Variants in MOB3B observed in about 807,000 individuals in gnomAD.
MOB3B encodes MOB kinase activator 3B.
Under a neutral mutation model 18.7 loss-of-function variants are expected in MOB3B, and 7 were observed. The observed-to-expected ratio is 0.37, with a 90% CI of 0.21 to 0.70. MOB3B has a LOEUF of 0.70. Among genes scored for constraint, MOB3B ranks in the 30% least tolerant of loss-of-function variants. The pLI is 0.52. For missense variants in MOB3B, 253 were observed against 281.3 expected (o/e 0.90, Z 0.72); for synonymous variants, 111 against 99.9 (o/e 1.11, Z -0.66).
intron 2 of MOB3B, among the ~76,000 whole-genome samples, chr9:27,416,544 A>AT (rs559806304): frequency 0.013 from 1,627 of 121,204 alleles, 77 homozygotes; most frequent in African/African-American, 0.038. Context: ...TTTCTTTTTA[A>AT]TTTTTTTTTT....
intron 2 of MOB3B, among the ~76,000 whole-genome samples, chr9:27,382,748 G>A (rs1821596998): frequency 6.7e-6 from 1 of 150,138 alleles, no homozygotes; most frequent in Non-Finnish European, 1.5e-5. Context: ...CCATCCAGGG[G>A]CCACTTGCTA....
At chr9:27,396,740 A>G (rs955206621) in intron 2 of MOB3B, among the ~76,000 whole-genome samples, 3 of 152,128 alleles carry the variant, frequency 2.0e-5, no homozygotes, top group Non-Finnish European at 4.4e-5. Context: ...TAACTATCAC[A>G]GTGTCTCCAT....
rs1418927834 is a variant in MOB3B at position 27,327,637 on chromosome 9, T to A, written c.*2950A>T. The A allele has an allele frequency of 6.6e-6, 1 of 151,858 alleles. No homozygotes were observed. The highest frequency in any genetic ancestry group is 1.5e-5 in the Non-Finnish European group (1 of 67,984). 9.4% of individuals were successfully genotyped at this position (151,858 alleles called of 1,614,324 possible). A position where few individuals can be genotyped will look rare whatever the true frequency, so the allele number is the denominator to read the frequency against. On this transcript the variant is annotated 3_prime_UTR_variant, in exon 4 of 4. Coordinates refer to ENST00000262244, the MANE Select transcript of MOB3B (RefSeq NM_024761.5). ...ACACAAAAGGGCAACTCTAATCAAT[T>A]AAAGGAAACAAAAGAGAATGACAAC...
chr9:27,330,553 A>G lies in MOB3B; in HGVS notation c.*34T>C. 1 of 1,613,638 alleles carries G rather than the reference A, an allele frequency of 6.2e-7. No homozygotes were observed. Among genetic ancestry groups the G allele is most frequent in the African/African-American group, 1.3e-5 (1 of 75,038 alleles). ...CCCGCTCAGGGCACCAGGAGGAAAC[A>G]GCTTTCCTTTCTTCCAAAGGGTGAG... On this transcript the variant is annotated 3_prime_UTR_variant, in exon 4 of 4. Coordinates refer to ENST00000262244, the MANE Select transcript of MOB3B (RefSeq NM_024761.5).
intron 3 of MOB3B, among the ~76,000 whole-genome samples, chr9:27,342,189 G>C (rs191451617): frequency 6.6e-6 from 1 of 152,064 alleles, no homozygotes; most frequent in Non-Finnish European, 1.5e-5. Flanking sequence ...ACCTCGCGTC[G>C]CACCATGCCA....
At chr9:27,484,003 C>T (rs931694186) in intron 1 of MOB3B, among the ~76,000 whole-genome samples, 6 of 152,168 alleles carry the variant, frequency 3.9e-5, no homozygotes, top group African/African-American at 1.4e-4. Flanking sequence ...TAAGGAGTGC[C>T]AGGGCAGGGT....
chr9:27,462,916 T>C (rs1183844537), intron 1 of MOB3B, among the ~76,000 whole-genome samples: 2 of 152,130 alleles, frequency 1.3e-5, no homozygotes, highest in Non-Finnish European at 2.9e-5. Flanking sequence ...TTTCAAAAGA[T>C]CATAAGTTTA....
intron 1 of MOB3B, among the ~76,000 whole-genome samples, chr9:27,470,669 T>C (rs1819457336): frequency 6.6e-6 from 1 of 152,158 alleles, no homozygotes; most frequent in South Asian, 2.1e-4. Context: ...ACCCATCTGT[T>C]AGCCCTGTGG....
chr9:27,432,702 A>G (rs946385658), intron 2 of MOB3B, among the ~76,000 whole-genome samples: 6 of 152,170 alleles, frequency 3.9e-5, no homozygotes, highest in African/African-American at 1.4e-4. Flanking sequence ...AGTACTGGAA[A>G]AATGCAGAGA....
intron 2 of MOB3B, among the ~76,000 whole-genome samples, chr9:27,374,591 A>G (rs1402000969): frequency 1.3e-5 from 2 of 152,118 alleles, no homozygotes; most frequent in African/African-American, 2.4e-5. Context: ...GACTAAAGCA[A>G]TGGTCTCTCT....
intron 2 of MOB3B, among the ~76,000 whole-genome samples, chr9:27,442,649 G>C (rs770471919): frequency 5.9e-5 from 9 of 152,172 alleles, no homozygotes; most frequent in Non-Finnish European, 1.3e-4. Flanking sequence ...CCTGGCTCCT[G>C]AGCCCTGGTA....
At chr9:27,367,173 C>G (rs2131363392) in intron 2 of MOB3B, among the ~76,000 whole-genome samples, 1 of 152,302 alleles carries the variant, frequency 6.6e-6, no homozygotes, top group South Asian at 2.1e-4. Flanking sequence ...CCTGTGCCGC[C>G]TGCATACCCT....
At chr9:27,392,545 T>A (rs1821741023) in intron 2 of MOB3B, among the ~76,000 whole-genome samples, 1 of 152,082 alleles carries the variant, frequency 6.6e-6, no homozygotes, top group Non-Finnish European at 1.5e-5. Flanking sequence ...TAAAAGGGCA[T>A]TTTTGCACCA....
At chr9:27,524,043 TG>T (rs1265402239) in intron 1 of MOB3B, among the ~76,000 whole-genome samples, 1 of 150,942 alleles carries the variant, frequency 6.6e-6, no homozygotes, top group Non-Finnish European at 1.5e-5. Flanking sequence ...TCCTTAGTGC[TG>T]GGATGGATCA....
chr9:27,522,714 T>C (rs1241710314), intron 1 of MOB3B, among the ~76,000 whole-genome samples: 2 of 152,032 alleles, frequency 1.3e-5, no homozygotes, highest in Non-Finnish European at 2.9e-5. Flanking sequence ...AATCAGTTCC[T>C]AGAGGATCAA....
rs185220853 is a variant in MOB3B, at chr9:27,326,263, A to G, written c.*4324T>C. 5.1e-6 allele frequency: 2 copies of G among 389,874 alleles called. No homozygotes were observed. The highest frequency in any genetic ancestry group is 9.1e-6 in the Non-Finnish European group (2 of 220,956). The allele number at this position is 389,874 out of a possible 1,614,324, so 24.2% of individuals were successfully genotyped here. ...TTCACGTTGAGTTACATCAGTGGTCAACAATGGAGCAACAAGACTCCGTAG... is the reference window on the plus strand; with the variant it reads ...TTCACGTTGAGTTACATCAGTGGTCGACAATGGAGCAACAAGACTCCGTAG... On this transcript the variant is annotated 3_prime_UTR_variant, in exon 4 of 4. Coordinates refer to ENST00000262244, the MANE Select transcript of MOB3B (RefSeq NM_024761.5).
At chr9:27,509,519 C>A (rs767201044) in intron 1 of MOB3B, among the ~76,000 whole-genome samples, 7 of 152,188 alleles carry the variant, frequency 4.6e-5, no homozygotes, top group Non-Finnish European at 1.0e-4. Flanking sequence ...TGGGTTCAAG[C>A]GATCCTCCCA....
chr9:27,469,033 G>A (rs1477259263), intron 1 of MOB3B, among the ~76,000 whole-genome samples: 2 of 152,112 alleles, frequency 1.3e-5, no homozygotes, highest in Admixed American at 6.5e-5. Context: ...GCAATACCAC[G>A]CAAAGACCTT....
chr9:27,466,779 C>CG (rs1471682553), intron 1 of MOB3B, among the ~76,000 whole-genome samples: 1 of 152,086 alleles, frequency 6.6e-6, no homozygotes, highest in Admixed American at 6.5e-5. Context: ...AAGAATAGCA[C>CG]GGGAAAGACC....
Sources: gnomAD v4.1 joint callset for allele counts (sites outside exome capture counted in the v4.1 genomes callset) on GRCh38, gnomAD v4.1.1 for gene constraint, MANE v1.5 for transcripts, NCBI Gene and HGNC (gene_info 2026-07-23, HGNC 2026-07-21) for gene names.